FOXRED1: variants seen among roughly 807,000 people sequenced by gnomAD.
The protein encoded by FOXRED1 is FAD dependent oxidoreductase domain containing 1.
In FOXRED1, 52 loss-of-function variants were observed where a neutral mutation model predicts 57.8. That is an observed-to-expected ratio of 0.90 (90% CI 0.72 to 1.13). FOXRED1 has a LOEUF of 1.13. Among genes scored for constraint, FOXRED1 ranks in the 50% most tolerant of loss-of-function variants. The pLI is 0.00. For synonymous variants in FOXRED1, 271 were observed against 248.3 expected, an observed-to-expected ratio of 1.09 and a Z score of -0.86; for missense variants, 589 against 625.2, an observed-to-expected ratio of 0.94 and a Z score of 0.62.
At position 126,277,095 on chromosome 11, in the gene FOXRED1, C is replaced by G. The variant is rs1289990004; in HGVS notation, c.1126C>G (p.Leu376Val). The part of the protein sequence containing the change: ...TEQEEPDPAN[L>V]EVDHDFFQDK... ...GCAGGAAGAACCGGACCCGGCGAACCTGGAAGTGGACCATGATTTCTTCCA... is the reference window on the plus strand; with the variant it reads ...GCAGGAAGAACCGGACCCGGCGAACGTGGAAGTGGACCATGATTTCTTCCA... Residue 376 changes from leucine to valine, a missense_variant, in exon 10 of 11, where the codon CTG (leucine) becomes GTG (valine). Transcript: ENST00000263578. The surrounding 1 kb of genome is among the most constrained non-coding windows in gnomAD (Gnocchi z 6.8). 6.2e-7 allele frequency: 1 copy of G among 1,613,382 alleles called. No individual in the cohort carries two copies. The highest frequency in any genetic ancestry group is 8.5e-7 in the Non-Finnish European group (1 of 1,179,708).
rs1231516856 is a variant in FOXRED1 at position 126,277,822 on chromosome 11, C to G, written c.*133C>G. The G allele has an allele frequency of 1.0e-6, 1 of 953,350 alleles. No individual in the cohort carries two copies. The allele number at this position is 953,350 out of a possible 1,614,324, so 59.1% of individuals were successfully genotyped here. ...CCAGTGTCCTCTCCTCTCAGGCAGGCCATTGCACCCATATGGCTGGGCAGG... is the reference window on the plus strand; with the variant it reads ...CCAGTGTCCTCTCCTCTCAGGCAGGGCATTGCACCCATATGGCTGGGCAGG... On this transcript the variant is annotated 3_prime_UTR_variant, in exon 11 of 11. Coordinates refer to ENST00000263578, the MANE Select transcript of FOXRED1 (RefSeq NM_017547.4). This position sits in a 1 kb window ranked among gnomAD's most constrained non-coding sequence, Gnocchi z 6.8.
At chr11:126,270,793 C>G (rs570735145) in intron 1 of FOXRED1, among the ~76,000 whole-genome samples, 2 of 152,236 alleles carry the variant, frequency 1.3e-5, no homozygotes, top group South Asian at 4.1e-4. Context: ...ATATTTCTAG[C>G]TATATTGTAA....
Position 126,273,159 on chromosome 11 carries a change from T to C in FOXRED1, c.417+80T>C. On this transcript the variant is annotated intron_variant, in intron 3 of 10. Coordinates refer to ENST00000263578, the MANE Select transcript of FOXRED1 (RefSeq NM_017547.4). This position sits in a 1 kb window ranked among gnomAD's most constrained non-coding sequence, Gnocchi z 5.9. ...GTGGGGAGCAGCCCAGCTAGCAAGG[T>C]AGCCAGAGAGCAAGAATGGGTCAGC... 1 of 1,016,388 alleles carries C rather than the reference T, an allele frequency of 9.8e-7. No homozygotes were observed. Among genetic ancestry groups the C allele is most frequent in the Non-Finnish European group, 1.6e-6 (1 of 634,304 alleles). 63.0% of individuals were successfully genotyped at this position (1,016,388 alleles called of 1,614,324 possible). A position where few individuals can be genotyped will look rare whatever the true frequency, so the allele number is the denominator to read the frequency against.
In FOXRED1 at chr11:126,271,462, T is replaced by C. The variant is rs769874700; in HGVS notation, c.111T>C (p.Ile37=). The C allele has an allele frequency of 1.3e-5, 21 of 1,613,894 alleles. No homozygotes were observed. The highest frequency in any genetic ancestry group is 1.5e-5 in the Non-Finnish European group (18 of 1,179,894). Residue 37 remains isoleucine (I), a synonymous_variant, in exon 2 of 11, where the codon ATT becomes ATC. Coordinates refer to ENST00000263578, the MANE Select transcript of FOXRED1 (RefSeq NM_017547.4). This position sits in a 1 kb window ranked among gnomAD's most constrained non-coding sequence, Gnocchi z 5.3. The part of the protein sequence containing the change: ...SLDWDGKVSE[I]KKKIKSILPG... The stretch of plus-strand genomic sequence containing the variant: ...ACTGGGATGGAAAGGTGTCTGAGAT[T>C]AAGAAGAAGATCAAGTCGATCCTGC...
rs200259576 is a variant in FOXRED1, at chr11:126,271,408, G to T, written c.86-29G>T. 1.4e-3 allele frequency: 2,171 copies of T among 1,523,826 alleles called. 38 individuals carry two copies. The South Asian group carries it at 0.023, about 16-fold the overall frequency. 94.4% of individuals were successfully genotyped at this position (1,523,826 alleles called of 1,614,324 possible). A position where few individuals can be genotyped will look rare whatever the true frequency, so the allele number is the denominator to read the frequency against. ...CCAACCATGTGGGAAGGAAATGTTT[G>T]GCCCTCTGACCCTAACTACATCCCA... is the stretch of plus-strand genomic sequence containing the variant. On this transcript the variant is annotated intron_variant, in intron 1 of 10. Transcript: ENST00000263578. This position sits in a 1 kb window ranked among gnomAD's most constrained non-coding sequence, Gnocchi z 5.3.
At chr11:126,276,356 G>A (rs368695946) in intron 8 of FOXRED1, 38 bp from the exon 9 acceptor site, 2 of 1,037,004 alleles carry the variant, frequency 1.9e-6, no homozygotes, top group Non-Finnish European at 2.4e-6. Flanking sequence ...TGCCGGCCAT[G>A]CTGTTTCTGC....
Position 126,275,109 on chromosome 11 carries a change from C to A in FOXRED1, c.631+88C>A. ...CGTTGGGAGTCTCGGTACTCCACAG[C>A]CAAGCTGAAGGAGGAACACTTCCCT... On this transcript the variant is annotated intron_variant, in intron 5 of 10. Coordinates refer to ENST00000263578, the MANE Select transcript of FOXRED1 (RefSeq NM_017547.4). The surrounding 1 kb of genome is among the most constrained non-coding windows in gnomAD (Gnocchi z 5.9). 1 of 942,852 alleles carries A rather than the reference C, an allele frequency of 1.1e-6. No individual in the cohort carries two copies. The highest frequency in any genetic ancestry group is 2.5e-5 in the East Asian group (1 of 40,812). 58.4% of individuals were successfully genotyped at this position (942,852 alleles called of 1,614,324 possible).
In FOXRED1 at chr11:126,276,378, G is replaced by C; in HGVS notation, c.972-16G>C. ...CATGCTGTTTCTGCAGTTCGTAACCGCACTGGTTGTGGCAGGTATGTGTAT... is the reference window on the plus strand; with the variant it reads ...CATGCTGTTTCTGCAGTTCGTAACCCCACTGGTTGTGGCAGGTATGTGTAT... On this transcript the variant is annotated splice_polypyrimidine_tract_variant and intron_variant, in intron 8 of 10. Coordinates refer to ENST00000263578, the MANE Select transcript of FOXRED1 (RefSeq NM_017547.4). The C allele has an allele frequency of 2.4e-6, 3 of 1,247,878 alleles. No individual in the cohort carries two copies. The highest frequency in any genetic ancestry group is 1.8e-5 in the South Asian group (1 of 54,960). The allele number at this position is 1,247,878 out of a possible 1,614,324, so 77.3% of individuals were successfully genotyped here.
Position 126,275,196 on chromosome 11 carries a change from C to T in FOXRED1, c.632-131C>T. 1 of 835,166 alleles carries T rather than the reference C, an allele frequency of 1.2e-6. No homozygotes were observed. Among genetic ancestry groups the T allele is most frequent in the Non-Finnish European group, 2.0e-6 (1 of 490,006 alleles). The allele number at this position is 835,166 out of a possible 1,614,324, so 51.7% of individuals were successfully genotyped here. On this transcript the variant is annotated intron_variant, in intron 5 of 10. Transcript: ENST00000263578. This position sits in a 1 kb window ranked among gnomAD's most constrained non-coding sequence, Gnocchi z 5.9. The stretch of plus-strand genomic sequence containing the variant: ...CTCTGTCCTTCATCAGGCTTTGTCT[C>T]TGTGGTTCAGTTGGTTAAGATGACC...
Position 126,273,840 on chromosome 11 carries a change from T to C in FOXRED1, c.536+386T>C, listed in dbSNP as rs1259470816. 1 of 270,326 alleles carries C rather than the reference T, an allele frequency of 3.7e-6. No individual in the cohort carries two copies. The allele number at this position is 270,326 out of a possible 1,614,324, so 16.7% of individuals were successfully genotyped here. On this transcript the variant is annotated intron_variant, in intron 4 of 10. Transcript: ENST00000263578. This position sits in a 1 kb window ranked among gnomAD's most constrained non-coding sequence, Gnocchi z 5.9. ...TAGGTTTTGCTGGCCATACAGTCTCTATTCCAACCACTTTGCTATCACAGC... is the reference window on the plus strand; with the variant it reads ...TAGGTTTTGCTGGCCATACAGTCTCCATTCCAACCACTTTGCTATCACAGC...
intron 9 of FOXRED1, 54 bp downstream of exon 9, chr11:126,276,577 G>T: frequency 6.3e-7 from 1 of 1,580,096 alleles, no homozygotes; most frequent in South Asian, 1.1e-5. Context: ...TAATTGTCAC[G>T]AAACAATCAG....
Position 126,273,178 on chromosome 11 carries a change from G to A in FOXRED1, c.417+99G>A, listed in dbSNP as rs1405040716. 1 of 972,670 alleles carries A rather than the reference G, an allele frequency of 1.0e-6. No homozygotes were observed. The highest frequency in any genetic ancestry group is 1.7e-5 in the Admixed American group (1 of 59,092). The allele number at this position is 972,670 out of a possible 1,614,324, so 60.3% of individuals were successfully genotyped here. ...GCAAGGTAGCCAGAGAGCAAGAATG[G>A]GTCAGCCAACTAGGAGAGGGGGGCC... On this transcript the variant is annotated intron_variant, in intron 3 of 10. Transcript: ENST00000263578. The surrounding 1 kb of genome is among the most constrained non-coding windows in gnomAD (Gnocchi z 5.9).
In FOXRED1 at chr11:126,276,111, T is replaced by G; in HGVS notation, c.863T>G (p.Ile288Ser). 6.2e-7 allele frequency: 1 copy of G among 1,612,760 alleles called. No homozygotes were observed. The highest frequency in any genetic ancestry group is 1.7e-5 in the Admixed American group (1 of 60,008). Residue 288 changes from isoleucine to serine, a missense_variant, in exon 8 of 11, where the codon ATC (isoleucine) becomes AGC (serine). Ile to Ser is a moderately radical substitution (Grantham distance 142). Coordinates refer to ENST00000263578, the MANE Select transcript of FOXRED1 (RefSeq NM_017547.4). The part of the protein sequence containing the change: ...EYQPVECAIV[I>S]NAAGAWSAQI... The stretch of plus-strand genomic sequence containing the variant: ...CAGCCTGTGGAATGCGCCATTGTGA[T>G]CAACGCAGCCGGAGCCTGGTCTGCG...
At position 126,277,355 on chromosome 11, in the gene FOXRED1, CTG is replaced by C. The variant is rs912901339; in HGVS notation, c.1207-77_1207-76del. 1.3e-6 allele frequency: 2 copies of C among 1,528,814 alleles called. No individual in the cohort carries two copies. The highest frequency in any genetic ancestry group is 1.4e-5 in the African/African-American group (1 of 73,380). The allele number at this position is 1,528,814 out of a possible 1,614,324, so 94.7% of individuals were successfully genotyped here. On this transcript the variant is annotated intron_variant, in intron 10 of 10. Coordinates refer to ENST00000263578, the MANE Select transcript of FOXRED1 (RefSeq NM_017547.4). This position sits in a 1 kb window ranked among gnomAD's most constrained non-coding sequence, Gnocchi z 6.8. ...CCCTCAGCAGCAGGTAGAGGGTACT[CTG>C]TGCTGAGCCCTGAGGGGAGTGAGGA...
Position 126,271,249 on chromosome 11 carries a change from G to A in FOXRED1, c.86-188G>A, listed in dbSNP as rs1341317210. 2 of 634,038 alleles carry A rather than the reference G, an allele frequency of 3.2e-6. No individual in the cohort carries two copies. Among genetic ancestry groups the A allele is most frequent in the African/African-American group, 1.8e-5 (1 of 55,096 alleles). 39.3% of individuals were successfully genotyped at this position (634,038 alleles called of 1,614,324 possible). A position where few individuals can be genotyped will look rare whatever the true frequency, so the allele number is the denominator to read the frequency against. The stretch of plus-strand genomic sequence containing the variant: ...TGGCACAATGCATGAAGAGACTGAT[G>A]GCATGTGGACTATTCAGAAAACTGT... On this transcript the variant is annotated intron_variant, in intron 1 of 10. Coordinates refer to ENST00000263578, the MANE Select transcript of FOXRED1 (RefSeq NM_017547.4). This position sits in a 1 kb window ranked among gnomAD's most constrained non-coding sequence, Gnocchi z 5.3.
Position 126,276,531 on chromosome 11 carries a change from G to C in FOXRED1, c.1101+8G>C, listed in dbSNP as rs773852344. 20 of 1,603,162 alleles carry C rather than the reference G, an allele frequency of 1.2e-5. No individual in the cohort carries two copies. The highest frequency in any genetic ancestry group is 9.4e-6 in the Non-Finnish European group (11 of 1,173,844). On this transcript the variant is annotated splice_region_variant and intron_variant, in intron 9 of 10. Transcript: ENST00000263578. ...GGTCGTAGCCCCACTGAGGTAAGCT[G>C]AGTGGGGTGGGACATGCTGGCAAGG...
Position 126,277,108 on chromosome 11 carries a change from A to G in FOXRED1, c.1139A>G (p.His380Arg), listed in dbSNP as rs7116126. 3,084 of 1,613,608 alleles carry G rather than the reference A, an allele frequency of 1.9e-3. 31 individuals are homozygous for G. The African/African-American group carries it at 0.029, about 15-fold the overall frequency. The part of the protein sequence containing the change: ...EPDPANLEVD[H>R]DFFQDKVWPH... ...GACCCGGCGAACCTGGAAGTGGACC[A>G]TGATTTCTTCCAGGACAAGGTGTGG... The change falls in exon 10 of 11, where the codon CAT becomes CGT. Residue 380 changes from histidine (H) to arginine (R), a missense_variant. By Grantham distance (29) the His-to-Arg change is conservative. Transcript: ENST00000263578. The surrounding 1 kb of genome is among the most constrained non-coding windows in gnomAD (Gnocchi z 6.8).
At chr11:126,270,052 T>C (rs1950937464) in intron 1 of FOXRED1, among the ~76,000 whole-genome samples, 1 of 149,728 alleles carries the variant, frequency 6.7e-6, no homozygotes, top group Admixed American at 6.6e-5. Context: ...TGCTAGCTAG[T>C]ATAACGGTAG....
In FOXRED1 at chr11:126,275,298, C is replaced by T. The variant is rs773703224; in HGVS notation, c.632-29C>T. 14 of 1,491,444 alleles carry T rather than the reference C, an allele frequency of 9.4e-6. No homozygotes were observed. The highest frequency in any genetic ancestry group is 1.3e-5 in the Non-Finnish European group (14 of 1,068,170). 92.4% of individuals were successfully genotyped at this position (1,491,444 alleles called of 1,614,324 possible). On this transcript the variant is annotated intron_variant, in intron 5 of 10. Coordinates refer to ENST00000263578, the MANE Select transcript of FOXRED1 (RefSeq NM_017547.4). This position sits in a 1 kb window ranked among gnomAD's most constrained non-coding sequence, Gnocchi z 5.9. ...TCCAAGAGCAGAAGTCCTCATCCCT[C>T]TTTGTGAGTTCTCTTTTTCTTATCA...
Sources: allele counts gnomAD v4.1 joint callset (sites outside exome capture counted in the v4.1 genomes callset), GRCh38; gene constraint gnomAD v4.1.1; non-coding constraint Gnocchi (gnomAD v3.1); transcripts MANE v1.5; gene names NCBI Gene and HGNC (gene_info 2026-07-23, HGNC 2026-07-21).